Variants in TLR1 observed in about 807,000 individuals in gnomAD.
The protein encoded by TLR1 is toll-like receptor 1.
In TLR1, 19 loss-of-function variants were observed where a neutral mutation model predicts 20.2. The ratio of observed to expected loss-of-function variants is 0.94; its 90% CI spans 0.66 to 1.38. The LOEUF is 1.38. TLR1 is among the 40% of genes most tolerant of loss of function. The pLI is 0.00. For synonymous variants in TLR1, 320 were observed against 334.5 expected, an observed-to-expected ratio of 0.96 and a Z score of 0.47; for missense variants, 921 against 910.0, an observed-to-expected ratio of 1.01 and a Z score of -0.16.
Position 38,799,078 on chromosome 4 carries a change from C to T in TLR1, c.-67-180G>A, listed in dbSNP as rs113197508. Among the ~76,000 whole-genome samples the T allele has an allele frequency of 2.3e-3, 355 of 152,292 alleles. 3 individuals carry two copies. Among genetic ancestry groups the T allele is most frequent in the African/African-American group, 8.2e-3 (339 of 41,550 alleles). On this transcript the variant is annotated intron_variant, in intron 3 of 3. Transcript: ENST00000308979. The stretch of plus-strand genomic sequence containing the variant: ...ATATATTGGTAAATAATGATGCCAG[C>T]TCTAATCAAATAAGTTTTAATATGG...
downstream of TLR1, among the ~76,000 whole-genome samples, chr4:38,787,892 C>T (rs1470184120): frequency 6.6e-6 from 1 of 152,128 alleles, no homozygotes; most frequent in African/African-American, 2.4e-5. Flanking sequence ...CCTAATGATA[C>T]CAAATATTGA....
downstream of TLR1, among the ~76,000 whole-genome samples, chr4:38,788,199 G>C (rs989742654): frequency 6.6e-6 from 1 of 152,072 alleles, no homozygotes; most frequent in African/African-American, 2.4e-5. Flanking sequence ...AAGCAAAAAA[G>C]AGAAAGAACA....
chr4:38,789,399 A>T (rs1316131055), downstream of TLR1, among the ~76,000 whole-genome samples: 1 of 152,238 alleles, frequency 6.6e-6, no homozygotes, highest in African/African-American at 2.4e-5. Context: ...TTACCAGCAC[A>T]CTACAGCAGC....
At chr4:38,794,246 G>A (rs117997366), downstream of TLR1, among the ~76,000 whole-genome samples, 42 of 152,244 alleles carry the variant, frequency 2.8e-4, no homozygotes, top group East Asian at 8.1e-3. Context: ...AGAGAAAATG[G>A]GAAAATCCAG....
downstream of TLR1, among the ~76,000 whole-genome samples, chr4:38,788,360 C>T (rs375158423): frequency 1.2e-4 from 18 of 152,290 alleles, no homozygotes; most frequent in East Asian, 2.5e-3. Context: ...CTGGATTTCT[C>T]ATCCTGGTCT....
rs1468031084 is a variant in TLR1 at position 38,798,626 on chromosome 4, G to C, written c.206C>G (p.Ser69Ter). The C allele has an allele frequency of 6.2e-7, 1 of 1,613,784 alleles. No individual in the cohort carries two copies. The highest frequency in any genetic ancestry group is 2.2e-5 in the East Asian group (1 of 44,882). ...ELWTSDILSL[S>*]KLRILIISHN... ...AGAAATTATCAAAATCCTCAGTTTTGACAGTGATAAGATGTCAGAAGTCCA... is the reference window on the plus strand; with the variant it reads ...AGAAATTATCAAAATCCTCAGTTTTCACAGTGATAAGATGTCAGAAGTCCA... The change falls in exon 4 of 4, where the codon TCA becomes TGA. Residue 69 changes from serine (S) to a stop codon, truncating the protein, a stop_gained. Transcript: ENST00000308979. LOFTEE classifies it low-confidence loss of function (END_TRUNC).
intron 2 of TLR1, among the ~76,000 whole-genome samples, chr4:38,802,950 AAG>A (rs376540821): frequency 4.7e-5 from 7 of 150,480 alleles, no homozygotes; most frequent in Non-Finnish European, 8.9e-5. Flanking sequence ...CAGCCAGAGA[AAG>A]AGAGAGAGAG....
rs200508559 is a variant in TLR1 at position 38,798,776 on chromosome 4, A to G, written c.56T>C (p.Ile19Thr). 6.2e-7 allele frequency: 1 copy of G among 1,611,282 alleles called. No homozygotes were observed. Among genetic ancestry groups the G allele is most frequent in the East Asian group, 2.2e-5 (1 of 44,856 alleles). The change falls in exon 4 of 4, where the codon ATA (isoleucine) becomes ACA (threonine). Residue 19 changes from isoleucine (I) to threonine (T), a missense_variant. Ile to Thr is a moderately conservative substitution (Grantham distance 89). Coordinates refer to ENST00000308979, the MANE Select transcript of TLR1 (RefSeq NM_003263.4). Reference sequence around the variant, plus strand: ...AAATTCACTTTCTTCAGATAATTGTATTCTGATCTGAAGTATTAACATGAA... The same window carrying G: ...AAATTCACTTTCTTCAGATAATTGTGTTCTGATCTGAAGTATTAACATGAA... ...IIFMLILQIR[I>T]QLSEESEFLV...
intron 2 of TLR1, among the ~76,000 whole-genome samples, chr4:38,803,084 G>A (rs5743578): frequency 0.071 from 10,841 of 152,218 alleles, 993 homozygotes; most frequent in Admixed American, 0.2. Context: ...AGAGCCGGAC[G>A]CACAGTTGTG....
exon 4 of TLR1, chr4:38,790,874 G>T (rs560252905): frequency 6.6e-6 from 1 of 152,188 alleles, no homozygotes; most frequent in African/African-American, 2.4e-5. Context: ...GTAACTTCAA[G>T]TTGTCTTAGA....
At chr4:38,801,613 C>G (rs1560463048) in intron 2 of TLR1, among the ~76,000 whole-genome samples, 1 of 152,184 alleles carries the variant, frequency 6.6e-6, no homozygotes, top group Non-Finnish European at 1.5e-5. Flanking sequence ...CTCCAGAGTT[C>G]ATGGAAGCAG....
intron 2 of TLR1, among the ~76,000 whole-genome samples, chr4:38,803,275 G>A (rs1204915157): frequency 6.6e-6 from 1 of 152,092 alleles, no homozygotes; most frequent in African/African-American, 2.4e-5. Context: ...AGTATGGGCT[G>A]GAACCTGGCC....
chr4:38,791,925 G>A (rs1267054732), downstream of TLR1, among the ~76,000 whole-genome samples: 2 of 152,176 alleles, frequency 1.3e-5, no homozygotes, highest in African/African-American at 2.4e-5. Context: ...GAAGGTGGAA[G>A]AAGCAAAATT....
downstream of TLR1, among the ~76,000 whole-genome samples, chr4:38,794,177 G>A (rs868490861): frequency 2.0e-4 from 30 of 152,346 alleles, no homozygotes; most frequent in South Asian, 1.0e-3. Flanking sequence ...ACTGCTTGCT[G>A]AGTAGTTGAA....
intron 2 of TLR1, among the ~76,000 whole-genome samples, chr4:38,802,677 C>T (rs182132497): frequency 6.1e-4 from 93 of 152,344 alleles, no homozygotes; most frequent in African/African-American, 2.1e-3. Flanking sequence ...TATTTCCTTT[C>T]GTTCCTGATC....
rs201998340 is a variant in TLR1 at position 38,798,399 on chromosome 4, C to G, written c.433G>C (p.Gly145Arg). Residue 145 changes from glycine (G) to arginine (R), a missense_variant, in exon 4 of 4, where the codon GGG becomes CGG. Transcript: ENST00000308979. ...FGNMSQLKFLGLSTTHLEKSS... is the reference protein window; with the variant it reads ...FGNMSQLKFLRLSTTHLEKSS... ...TTTTCTAAGTGTGTGGTGCTCAACC[C>G]CAGAAATTTTAGTTGAGACATATTG... The G allele has an allele frequency of 4.3e-6, 7 of 1,613,392 alleles. No individual in the cohort carries two copies. Among genetic ancestry groups the G allele is most frequent in the Non-Finnish European group, 5.9e-6 (7 of 1,179,702 alleles).
At chr4:38,804,212 A>G (rs991478218) in intron 2 of TLR1, 94 bp downstream of exon 2, 1 of 152,170 alleles carries the variant, frequency 6.6e-6, no homozygotes, top group African/African-American at 2.4e-5. Context: ...CTGCAATTCT[A>G]CCTCACGTCT....
At chr4:38,794,641 A>G (rs1304571391), downstream of TLR1, 1 of 152,104 alleles carries the variant, frequency 6.6e-6, no homozygotes, top group African/African-American at 2.4e-5. Context: ...AATGGAAAAA[A>G]AAAAAAAAAG....
Position 38,798,088 on chromosome 4 carries a change from A to G in TLR1, c.744T>C (p.Asn248=). The part of the protein sequence containing the change: ...AKLQTNPKLS[N]LTLNNIETTW... The stretch of plus-strand genomic sequence containing the variant: ...TTGTTTCAATGTTGTTTAAGGTAAG[A>G]TTTGATAACTTTGGATTTGTTTGAA... The change falls in exon 4 of 4, where the codon AAT becomes AAC. Residue 248 remains asparagine, a synonymous_variant. Coordinates refer to ENST00000308979, the MANE Select transcript of TLR1 (RefSeq NM_003263.4). 1.9e-6 allele frequency: 3 copies of G among 1,613,696 alleles called. No individual in the cohort carries two copies. Among genetic ancestry groups the G allele is most frequent in the Non-Finnish European group, 2.5e-6 (3 of 1,179,662 alleles).
Sources: allele counts gnomAD v4.1 joint callset (sites outside exome capture counted in the v4.1 genomes callset), GRCh38; gene constraint gnomAD v4.1.1; transcripts MANE v1.5; gene names NCBI Gene and HGNC (gene_info 2026-07-23, HGNC 2026-07-21).